The following PPCDC variants were observed in gnomAD, a reference collection of about 807,000 sequenced individuals.
PPCDC encodes phosphopantothenoylcysteine decarboxylase.
A neutral mutation model predicts 20.7 loss-of-function variants in PPCDC; 20 were observed. The observed-to-expected ratio is 0.97, with a 90% CI of 0.68 to 1.41. The LOEUF (loss-of-function observed/expected upper bound fraction) is 1.41. Ranked by LOEUF, PPCDC falls within the 40% of genes most tolerant of loss-of-function variation. PPCDC has a pLI of 0.00. For synonymous variants in PPCDC, 88 were observed against 100.3 expected (o/e 0.88, Z 0.73); for missense variants, 246 against 263.8 (o/e 0.93, Z 0.47).
chr15:75,037,109 G>A (rs1369867036), intron 2 of PPCDC, among the ~76,000 whole-genome samples: 1 of 152,184 alleles, frequency 6.6e-6, no homozygotes, highest in East Asian at 1.9e-4. Context: ...GAATAGAGGC[G>A]ATGAACCTGG....
intron 1 of PPCDC, among the ~76,000 whole-genome samples, chr15:75,026,149 G>A (rs921477424): frequency 6.6e-6 from 1 of 152,158 alleles, no homozygotes; most frequent in Non-Finnish European, 1.5e-5. Context: ...AGGAGGTTCA[G>A]GGGCCTCAGA....
chr15:75,038,289 C>T (rs767707496), intron 2 of PPCDC, among the ~76,000 whole-genome samples: 2 of 152,122 alleles, frequency 1.3e-5, no homozygotes, highest in Non-Finnish European at 2.9e-5. Context: ...GGCCTCTGCC[C>T]TTGACTTTGT....
At position 75,046,442 on chromosome 15, in the gene PPCDC, G is replaced by A. The variant is rs2066235536; in HGVS notation, c.360+1928G>A. 2.0e-5 allele frequency among the ~76,000 whole-genome samples: 3 copies of A among 152,246 alleles called. No homozygotes were observed. The South Asian group carries it at 6.2e-4, about 31-fold the overall frequency. ...GCCCCGGCCTGGGCCAGCTCTGCAA[G>A]GGCGCTTTCCTTCTTCCTGCAAGCT... is the stretch of plus-strand genomic sequence containing the variant. On this transcript the variant is annotated intron_variant, in intron 4 of 5. Coordinates refer to ENST00000342932, the MANE Select transcript of PPCDC (RefSeq NM_021823.5).
intron 4 of PPCDC, among the ~76,000 whole-genome samples, chr15:75,047,569 T>C (rs1158705946): frequency 2.6e-5 from 4 of 152,086 alleles, no homozygotes; most frequent in Non-Finnish European, 5.9e-5. Context: ...GGAGCTTCTC[T>C]CTCCCCCAGG....
chr15:75,031,021 G>A (rs192644615), intron 2 of PPCDC, among the ~76,000 whole-genome samples: 2 of 152,282 alleles, frequency 1.3e-5, no homozygotes, highest in East Asian at 1.9e-4. Flanking sequence ...GTGGGCAACC[G>A]TGTCACAAGA....
intron 2 of PPCDC, 97 bp from the exon 3 acceptor site, chr15:75,043,344 G>T: frequency 9.9e-7 from 1 of 1,006,472 alleles, no homozygotes. Context: ...TGTGAAGACA[G>T]CACCTGCCTG....
chr15:75,024,601 T>C (rs933798550), intron 1 of PPCDC, among the ~76,000 whole-genome samples: 1 of 151,752 alleles, frequency 6.6e-6, no homozygotes, highest in Non-Finnish European at 1.5e-5. Flanking sequence ...CTATCCTCCT[T>C]CCTTGGCCTC....
At chr15:75,026,622 A>G (rs1016082317) in intron 1 of PPCDC, among the ~76,000 whole-genome samples, 1 of 152,216 alleles carries the variant, frequency 6.6e-6, no homozygotes. Flanking sequence ...CTGTGAGTGA[A>G]GAGGAGATAG....
chr15:75,035,025 A>G (rs1169141636), intron 2 of PPCDC, among the ~76,000 whole-genome samples: 1 of 152,156 alleles, frequency 6.6e-6, no homozygotes, highest in Admixed American at 6.5e-5. Context: ...TTAAATTTAA[A>G]TTAATTAGAA....
chr15:75,025,649 A>T (rs1201667035), intron 1 of PPCDC, among the ~76,000 whole-genome samples: 1 of 152,118 alleles, frequency 6.6e-6, no homozygotes, highest in Non-Finnish European at 1.5e-5. Context: ...GTAGCCCTAT[A>T]ACCTGCCCAC....
intron 4 of PPCDC, chr15:75,045,085 T>C (rs8039755): frequency 0.54 from 83,920 of 154,728 alleles, 23,253 homozygotes; most frequent in East Asian, 0.82. Context: ...CTGTCCAAAG[T>C]GGGCACTGTC....
chr15:75,033,164 A>G (rs931315026), intron 2 of PPCDC, among the ~76,000 whole-genome samples: 2 of 152,222 alleles, frequency 1.3e-5, no homozygotes, highest in African/African-American at 4.8e-5. Context: ...ACTCGGAAAA[A>G]AAGTGATATG....
intron 2 of PPCDC, among the ~76,000 whole-genome samples, chr15:75,028,734 T>C (rs2065987037): frequency 6.6e-6 from 1 of 152,078 alleles, no homozygotes; most frequent in South Asian, 2.1e-4. Context: ...ACATTAACCC[T>C]GAGAATCCGT....
chr15:75,047,753 C>A (rs1398617209), intron 4 of PPCDC, among the ~76,000 whole-genome samples: 1 of 152,236 alleles, frequency 6.6e-6, no homozygotes, highest in Non-Finnish European at 1.5e-5. Flanking sequence ...GGCCTTCAGT[C>A]CCATGTCCAG....
At chr15:75,031,420 A>G (rs992533549) in intron 2 of PPCDC, among the ~76,000 whole-genome samples, 1 of 152,110 alleles carries the variant, frequency 6.6e-6, no homozygotes, top group Admixed American at 6.6e-5. Context: ...TATGAGTTCA[A>G]CTGACTTATA....
chr15:75,030,402 G>T (rs921957832), intron 2 of PPCDC, among the ~76,000 whole-genome samples: 1 of 152,224 alleles, frequency 6.6e-6, no homozygotes. Flanking sequence ...CAGCCACATG[G>T]TGTGGGGCAA....
intron 2 of PPCDC, among the ~76,000 whole-genome samples, chr15:75,038,703 T>C (rs898281475): frequency 1.3e-5 from 2 of 152,188 alleles, no homozygotes; most frequent in African/African-American, 4.8e-5. Flanking sequence ...AGTAAATGGC[T>C]CTCACCTGTG....
rs749197464 is a variant in PPCDC at position 75,044,415 on chromosome 15, G to T, written c.261G>T (p.Leu87=). 18 of 1,613,960 alleles carry T rather than the reference G, an allele frequency of 1.1e-5. No individual in the cohort carries two copies. In the East Asian group the frequency reaches 2.5e-4, roughly 22 times the overall value. Residue 87 remains leucine, a synonymous_variant, in exon 4 of 6, where the codon CTG becomes CTT. Coordinates refer to ENST00000342932, the MANE Select transcript of PPCDC (RefSeq NM_021823.5). The stretch of plus-strand genomic sequence containing the variant: ...GGAAGAGCCGCTCTGACCCAGTTCT[G>T]CACATTGACCTGCGGAGGTGGGCAG... The part of the protein sequence containing the change: ...EIWKSRSDPV[L]HIDLRRWADL...
At chr15:75,028,546 T>A in intron 2 of PPCDC, 93 bp downstream of exon 2, 2 of 1,533,548 alleles carry the variant, frequency 1.3e-6, no homozygotes, top group South Asian at 2.3e-5. Context: ...CATGCAATTT[T>A]CTTTTTCTTT....
Sources: gnomAD v4.1 joint callset for allele counts (sites outside exome capture counted in the v4.1 genomes callset) on GRCh38, gnomAD v4.1.1 for gene constraint, MANE v1.5 for transcripts, NCBI Gene and HGNC (gene_info 2026-07-23, HGNC 2026-07-21) for gene names.